Variants in ROBO2 observed in about 807,000 individuals in gnomAD.
ROBO2 encodes roundabout guidance receptor 2, also known as roundabout homolog 2.
A neutral mutation model predicts 160.8 loss-of-function variants in ROBO2; 53 were observed. That is an observed-to-expected ratio of 0.33 (90% CI 0.26 to 0.41). The LOEUF (loss-of-function observed/expected upper bound fraction) is 0.41. ROBO2 is among the 10% of genes least tolerant of loss of function. The pLI is 1.00. For synonymous variants in ROBO2, 664 were observed against 611.7 expected, an observed-to-expected ratio of 1.09 and a Z score of -1.26; for missense variants, 1,577 against 1,722.4, an observed-to-expected ratio of 0.92 and a Z score of 1.49.
intron 2 of ROBO2, among the ~76,000 whole-genome samples, chr3:77,394,873 A>G (rs1383696671): frequency 6.6e-6 from 1 of 152,146 alleles, no homozygotes; most frequent in Non-Finnish European, 1.5e-5. Flanking sequence ...TTCTAACCGT[A>G]CTACATTATT....
At chr3:76,495,564 G>C (rs1396721620) in intron 2 of ROBO2, among the ~76,000 whole-genome samples, 3 of 151,044 alleles carry the variant, frequency 2.0e-5, no homozygotes, top group Non-Finnish European at 4.4e-5. Flanking sequence ...TTTTGTTCTG[G>C]ATCATTTAGG....
chr3:76,490,319 T>C (rs1224719194), intron 2 of ROBO2, among the ~76,000 whole-genome samples: 1 of 152,236 alleles, frequency 6.6e-6, no homozygotes, highest in Non-Finnish European at 1.5e-5. Flanking sequence ...TGCAGATCAA[T>C]GTTGAACATT....
intron 2 of ROBO2, among the ~76,000 whole-genome samples, chr3:76,168,971 C>A (rs1164265920): frequency 6.6e-6 from 1 of 151,596 alleles, no homozygotes; most frequent in Admixed American, 6.6e-5. Flanking sequence ...GATTTCCTAA[C>A]TTTTAAAAGG....
At chr3:76,263,829 T>C (rs1046766834) in intron 2 of ROBO2, among the ~76,000 whole-genome samples, 1 of 151,968 alleles carries the variant, frequency 6.6e-6, no homozygotes, top group African/African-American at 2.4e-5. Flanking sequence ...CAAATGACCA[T>C]CAGTGATAAA....
chr3:77,477,629 A>T (rs1467680120), intron 3 of ROBO2, 58 bp downstream of exon 3: 2 of 1,445,174 alleles, frequency 1.4e-6, no homozygotes, highest in East Asian at 4.6e-5. Flanking sequence ...CAAAATACAA[A>T]ATAGATGTAT....
In ROBO2 at chr3:77,622,345, GA is replaced by G; in HGVS notation, c.3674del (p.Glu1225GlyfsTer4). ...TGCAGATGATGATGCCGACGACGAA[GA>G]GGAAGCTTTAGAAATCCCCAGGCCC... On this transcript the variant is annotated frameshift_variant, in exon 23 of 26. Transcript: ENST00000461745. LOFTEE classifies it high-confidence loss of function. 6.2e-7 allele frequency: 1 copy of G among 1,614,108 alleles called. No homozygotes were observed. Among genetic ancestry groups the G allele is most frequent in the Non-Finnish European group, 8.5e-7 (1 of 1,180,004 alleles).
intron 2 of ROBO2, among the ~76,000 whole-genome samples, chr3:77,184,751 G>A (rs1016427180): frequency 3.3e-5 from 5 of 151,964 alleles, no homozygotes; most frequent in African/African-American, 1.2e-4. Flanking sequence ...GAAATTATAG[G>A]AAGTAAAAAT....
chr3:76,028,943 A>G (rs2066830158), intron 2 of ROBO2, among the ~76,000 whole-genome samples: 1 of 152,064 alleles, frequency 6.6e-6, no homozygotes, highest in Non-Finnish European at 1.5e-5. Context: ...TTTGGGGGCT[A>G]GTTCCTGGCA....
intron 2 of ROBO2, among the ~76,000 whole-genome samples, chr3:76,080,124 T>TC (rs1444486724): frequency 3.9e-5 from 6 of 152,210 alleles, no homozygotes; most frequent in African/African-American, 1.2e-4. Flanking sequence ...GACCTAGCTC[T>TC]CAGCCTACAG....
chr3:76,008,190 G>A (rs595942), intron 2 of ROBO2, among the ~76,000 whole-genome samples: 4 of 143,188 alleles, frequency 2.8e-5, no homozygotes, highest in African/African-American at 8.1e-5. Context: ...AGCTGAGATC[G>A]CACCACTGCA....
intron 2 of ROBO2, among the ~76,000 whole-genome samples, chr3:77,017,209 C>G (rs2062323789): frequency 6.6e-6 from 1 of 152,132 alleles, no homozygotes; most frequent in East Asian, 1.9e-4. Context: ...GCATTTGTAT[C>G]TAATTTTATA....
intron 6 of ROBO2, among the ~76,000 whole-genome samples, chr3:77,531,645 C>T (rs756209974): frequency 6.6e-6 from 1 of 151,990 alleles, no homozygotes; most frequent in Admixed American, 6.6e-5. Context: ...CATCTCCCAC[C>T]CCAACTTGAA....
chr3:77,357,548 T>C (rs2069315806), intron 2 of ROBO2, among the ~76,000 whole-genome samples: 1 of 152,168 alleles, frequency 6.6e-6, no homozygotes, highest in African/African-American at 2.4e-5. Context: ...TATTCTATCA[T>C]AGCAACACAA....
At chr3:77,620,407 AT>A (rs1245702562) in intron 22 of ROBO2, among the ~76,000 whole-genome samples, 5 of 152,182 alleles carry the variant, frequency 3.3e-5, no homozygotes, top group Admixed American at 6.5e-5. Flanking sequence ...ATAGGAGTAC[AT>A]TTTTTATTCC....
At chr3:76,523,794 G>A (rs776357261) in intron 2 of ROBO2, among the ~76,000 whole-genome samples, 1 of 152,104 alleles carries the variant, frequency 6.6e-6, no homozygotes, top group Non-Finnish European at 1.5e-5. Flanking sequence ...AATAGTAAAT[G>A]CTATAGTTAT....
chr3:76,148,154 T>C (rs1402430198), intron 2 of ROBO2, among the ~76,000 whole-genome samples: 1 of 151,984 alleles, frequency 6.6e-6, no homozygotes, highest in African/African-American at 2.4e-5. Flanking sequence ...ATGGTTTCAC[T>C]CACATTTCAT....
chr3:77,291,969 A>G (rs1240063152), intron 2 of ROBO2, among the ~76,000 whole-genome samples: 1 of 151,874 alleles, frequency 6.6e-6, no homozygotes, highest in African/African-American at 2.4e-5. Flanking sequence ...AGATCACCCC[A>G]GACATAAAGT....
intron 1 of ROBO2, among the ~76,000 whole-genome samples, chr3:75,937,242 AT>A (rs1576211781): frequency 3.3e-5 from 5 of 152,158 alleles, no homozygotes; most frequent in African/African-American, 1.2e-4. Flanking sequence ...GTTTTGGAAA[AT>A]GATATTAAAA....
intron 2 of ROBO2, among the ~76,000 whole-genome samples, chr3:77,198,642 C>T (rs1441965): frequency 0.54 from 81,591 of 152,022 alleles, 22,228 homozygotes; most frequent in Middle Eastern, 0.66. Flanking sequence ...AGCTCATGCC[C>T]GTAATCCCAG....
Sources: gnomAD v4.1 joint callset for allele counts (sites outside exome capture counted in the v4.1 genomes callset) on GRCh38, gnomAD v4.1.1 for gene constraint, MANE v1.5 for transcripts, NCBI Gene and HGNC (gene_info 2026-07-23, HGNC 2026-07-21) for gene names.